The following TTC1 variants were observed in gnomAD, a reference collection of about 807,000 sequenced individuals.
TTC1 encodes tetratricopeptide repeat domain 1.
TTC1 carries 31 observed loss-of-function variants against 37.6 expected under a neutral mutation model. That is an observed-to-expected ratio of 0.82 (90% confidence interval 0.62 to 1.11). TTC1 has a LOEUF of 1.11. Ranked by LOEUF, TTC1 falls within the 50% of genes most tolerant of loss-of-function variation. The probability of loss-of-function intolerance (pLI) is 0.00; values close to 1 mark genes in which losing one functional copy is unlikely to be tolerated. For synonymous variants in TTC1, 127 were observed against 122.4 expected (o/e 1.04, Z -0.25); for missense variants, 351 against 339.0 (o/e 1.04, Z -0.28).
At chr5:160,021,657 A>G (rs138372895) in intron 2 of TTC1, among the ~76,000 whole-genome samples, 33 of 152,354 alleles carry the variant, frequency 2.2e-4, no homozygotes, top group African/African-American at 7.5e-4. Context: ...TGACTTGTGG[A>G]AAGAACAGAT....
rs70987990 is a variant in TTC1, at chr5:160,032,702, C to CTTTTTTTTTT, written c.331-2417_331-2408dup. ...AGCCTCCTTGAGTTCTACCTGCTTT[C>CTTTTTTTTTT]TTTTTTTTTTTTTTTTTTTTTTTTT... On this transcript the variant is annotated intron_variant, in intron 2 of 7. Coordinates refer to ENST00000231238, the MANE Select transcript of TTC1 (RefSeq NM_003314.3). Among the ~76,000 whole-genome samples, 82 of 74,712 alleles carry CTTTTTTTTTT rather than the reference C, an allele frequency of 1.1e-3. 6 individuals are homozygous for CTTTTTTTTTT. Among genetic ancestry groups the CTTTTTTTTTT allele is most frequent in the Non-Finnish European group, 1.4e-3 (57 of 39,966 alleles). 49.0% of individuals were successfully genotyped at this position (74,712 alleles called of 152,430 possible).
At position 160,062,920 on chromosome 5, in the gene TTC1, CTTG is replaced by C. The variant is rs569121068; in HGVS notation, c.746-2007_746-2005del. ...CTGAGGCTGCCCTGTCTTTCTCTTG[CTTG>C]TTGTGAGCCCCTCCCTCTACGCCCA... On this transcript the variant is annotated intron_variant, in intron 7 of 7. Transcript: ENST00000231238. Among the ~76,000 whole-genome samples, 140 of 152,240 alleles carry C rather than the reference CTTG, an allele frequency of 9.2e-4. 1 individual carries two copies. The highest frequency in any genetic ancestry group is 3.3e-3 in the African/African-American group (136 of 41,534).
intron 2 of TTC1, among the ~76,000 whole-genome samples, chr5:160,029,444 C>T (rs1756866475): frequency 6.7e-6 from 1 of 148,188 alleles, no homozygotes; most frequent in Non-Finnish European, 1.5e-5. Context: ...GAGTTTAAGA[C>T]CAGCCTAGGC....
intron 7 of TTC1, among the ~76,000 whole-genome samples, chr5:160,056,950 C>G (rs568380745): frequency 1.3e-5 from 2 of 152,240 alleles, no homozygotes; most frequent in South Asian, 4.1e-4. Flanking sequence ...GCTGCTGAAG[C>G]CATACATGTA....
intron 4 of TTC1, among the ~76,000 whole-genome samples, chr5:160,038,546 A>C (rs1757033796): frequency 6.6e-6 from 1 of 151,996 alleles, no homozygotes; most frequent in African/African-American, 2.4e-5. Context: ...TGGTCTTGTT[A>C]GTATTTTGTC....
intron 2 of TTC1, 64 bp downstream of exon 2, chr5:160,010,922 C>A: frequency 3.5e-6 from 5 of 1,443,266 alleles, no homozygotes; most frequent in Non-Finnish European, 4.7e-6. Context: ...GTGGTCGATA[C>A]TGTATCATAG....
At chr5:160,024,075 G>T (rs551164804) in intron 2 of TTC1, 3 of 983,788 alleles carry the variant, frequency 3.0e-6, no homozygotes, top group East Asian at 2.4e-5. Flanking sequence ...ATGTAAGTGT[G>T]GGGGGATGGG....
At chr5:160,017,242 CA>C (rs986521483) in intron 2 of TTC1, among the ~76,000 whole-genome samples, 1 of 152,132 alleles carries the variant, frequency 6.6e-6, no homozygotes, top group African/African-American at 2.4e-5. Context: ...GCTGCTATAA[CA>C]AAATACCTTA....
chr5:160,042,917 A>G (rs561368889), intron 4 of TTC1, among the ~76,000 whole-genome samples: 1 of 152,238 alleles, frequency 6.6e-6, no homozygotes. Context: ...CGACTTGAAT[A>G]AGTGTTACCA....
chr5:160,010,327 C>T (rs1194788860), intron 1 of TTC1, among the ~76,000 whole-genome samples, 173 bp from the exon 2 acceptor site: 2 of 149,036 alleles, frequency 1.3e-5, no homozygotes, highest in Non-Finnish European at 3.0e-5. Context: ...GTTAAAATGA[C>T]GATTTGACAT....
intron 5 of TTC1, among the ~76,000 whole-genome samples, chr5:160,045,514 ATACACACT>A (rs1361276767): frequency 3.8e-3 from 114 of 29,712 alleles, no homozygotes; most frequent in Non-Finnish European, 4.6e-3. Context: ...ACACACACAC[ATACACACT>A]CTCTCTCTCT....
At chr5:160,024,058 G>A in intron 2 of TTC1, 1 of 1,139,918 alleles carries the variant, frequency 8.8e-7, no homozygotes, top group Non-Finnish European at 1.3e-6. Flanking sequence ...AATATACTCT[G>A]GTTAGCATGT....
intron 7 of TTC1, among the ~76,000 whole-genome samples, chr5:160,053,405 AC>A (rs1157762751): frequency 1.3e-5 from 2 of 151,926 alleles, no homozygotes; most frequent in Non-Finnish European, 2.9e-5. Context: ...AAATCCTGTC[AC>A]TAAAAAAATT....
intron 2 of TTC1, among the ~76,000 whole-genome samples, chr5:160,012,813 A>C (rs1212679090): frequency 1.3e-5 from 2 of 152,178 alleles, no homozygotes; most frequent in African/African-American, 4.8e-5. Context: ...TGAGTTTGAC[A>C]ATTGTATACA....
chr5:160,045,520 A>ACACACACACACACT (rs1202139318), intron 5 of TTC1, among the ~76,000 whole-genome samples: 6 of 54,884 alleles, frequency 1.1e-4, no homozygotes, highest in Admixed American at 2.3e-4. Context: ...ACACATACAC[A>ACACACACACACACT]CTCTCTCTCT....
rs749296749 is a variant in TTC1, at chr5:160,045,520, ACTCTCTCTCT to A, written c.541+2375_541+2384del. Among the ~76,000 whole-genome samples, 422 of 54,896 alleles carry A rather than the reference ACTCTCTCTCT, an allele frequency of 7.7e-3. 7 individuals are homozygous for A. Among genetic ancestry groups the A allele is most frequent in the South Asian group, 0.031 (40 of 1,280 alleles). The allele number at this position is 54,896 out of a possible 152,430, so 36.0% of individuals were successfully genotyped here. On this transcript the variant is annotated intron_variant, in intron 5 of 7. Coordinates refer to ENST00000231238, the MANE Select transcript of TTC1 (RefSeq NM_003314.3). ...CACACACACACACACACACATACAC[ACTCTCTCTCT>A]CTCTCTCTCTCTCTCTCTCTCTCCC... is the stretch of plus-strand genomic sequence containing the variant.
intron 7 of TTC1, chr5:160,062,034 G>A (rs1022153702): frequency 6.6e-6 from 1 of 152,314 alleles, no homozygotes; most frequent in African/African-American, 2.4e-5. Flanking sequence ...AGCAGCAGGT[G>A]GGAAGGGTGG....
At position 160,065,194 on chromosome 5, in the gene TTC1, C is replaced by T; in HGVS notation, c.*129C>T. 8.0e-7 allele frequency: 1 copy of T among 1,250,016 alleles called. No homozygotes were observed. The highest frequency in any genetic ancestry group is 1.1e-6 in the Non-Finnish European group (1 of 886,974). The allele number at this position is 1,250,016 out of a possible 1,614,324, so 77.4% of individuals were successfully genotyped here. On this transcript the variant is annotated 3_prime_UTR_variant, in exon 8 of 8. Coordinates refer to ENST00000231238, the MANE Select transcript of TTC1 (RefSeq NM_003314.3). Reference sequence around the variant, plus strand: ...TAAAAGAAAGGCTATCCAGTAGAGCCCAGTGCTCCCTTGTCCCTCTTTTAT... The same window carrying T: ...TAAAAGAAAGGCTATCCAGTAGAGCTCAGTGCTCCCTTGTCCCTCTTTTAT...
chr5:160,050,934 A>C (rs1466247765), intron 6 of TTC1, among the ~76,000 whole-genome samples, 195 bp from the exon 7 acceptor site: 3 of 150,708 alleles, frequency 2.0e-5, no homozygotes, highest in African/African-American at 7.3e-5. Context: ...CCCAAACAGA[A>C]CTTTTGTCTT....
Sources: allele counts gnomAD v4.1 joint callset (sites outside exome capture counted in the v4.1 genomes callset), GRCh38; gene constraint gnomAD v4.1.1; transcripts MANE v1.5; gene names NCBI Gene and HGNC (gene_info 2026-07-23, HGNC 2026-07-21).